USH2A: variants seen among roughly 807,000 people sequenced by gnomAD.
The protein encoded by USH2A is Usher syndrome 2A (autosomal recessive, mild).
A neutral mutation model predicts 538.9 loss-of-function variants in USH2A; 443 were observed. That is an observed-to-expected ratio of 0.82 (90% CI 0.76 to 0.89). USH2A has a LOEUF of 0.89. Ranked by LOEUF, USH2A falls within the 40% of genes least tolerant of loss-of-function variation. The probability of loss-of-function intolerance (pLI) is 0.00; values close to 1 mark genes in which losing one functional copy is unlikely to be tolerated. For missense variants in USH2A, 6,633 were observed against 6,324.8 expected (o/e 1.05, Z -1.65); for synonymous variants, 2,413 against 2,273.5 (o/e 1.06, Z -1.75).
intron 63 of USH2A, among the ~76,000 whole-genome samples, chr1:215,671,527 CA>C (rs568890200): frequency 6.6e-5 from 10 of 150,810 alleles, no homozygotes; most frequent in Middle Eastern, 3.4e-3. Flanking sequence ...GACTCTGTCT[CA>C]AAAAAAAATT....
chr1:216,167,236 C>G (rs1344872614), intron 21 of USH2A, among the ~76,000 whole-genome samples: 3 of 152,062 alleles, frequency 2.0e-5, no homozygotes, highest in Non-Finnish European at 4.4e-5. Flanking sequence ...CACCGCCCCC[C>G]ACAACGCCCC....
chr1:215,836,558 T>TAG, intron 47 of USH2A, among the ~76,000 whole-genome samples: 1 of 21,176 alleles, frequency 4.7e-5, no homozygotes, highest in South Asian at 1.3e-3. Context: ...TATATATATA[T>TAG]ATATATATTT....
intron 13 of USH2A, among the ~76,000 whole-genome samples, chr1:216,242,220 G>A (rs1052076624): frequency 3.3e-5 from 5 of 150,612 alleles, no homozygotes; most frequent in African/African-American, 1.2e-4. Flanking sequence ...AAATTAGCCA[G>A]GCCTGTAGTC....
At chr1:215,847,476 C>G (rs1035177242) in intron 44 of USH2A, among the ~76,000 whole-genome samples, 1 of 151,942 alleles carries the variant, frequency 6.6e-6, no homozygotes, top group African/African-American at 2.4e-5. Flanking sequence ...AATACCCCAT[C>G]TCTACATGAA....
intron 3 of USH2A, among the ~76,000 whole-genome samples, chr1:216,398,739 G>A (rs544743015): frequency 1.2e-4 from 18 of 152,262 alleles, no homozygotes; most frequent in African/African-American, 3.9e-4. Flanking sequence ...ATTCCCACTG[G>A]CAGAAGCAGT....
intron 37 of USH2A, among the ~76,000 whole-genome samples, chr1:215,945,774 A>C (rs79583372): frequency 0.032 from 4,891 of 152,218 alleles, 122 homozygotes; most frequent in South Asian, 0.084. Flanking sequence ...ACTGGCTAAA[A>C]AGCGGACCTG....
At position 216,418,699 on chromosome 1, in the gene USH2A, A is replaced by G. The variant is rs763518495; in HGVS notation, c.486-20T>C. ...ACACACCTTAGGAAGCAACCGGAAA[A>G]GAGAGAAAAGGTCAGCATCCAACCA... On this transcript the variant is annotated intron_variant, in intron 2 of 71. Coordinates refer to ENST00000307340, the MANE Select transcript of USH2A (RefSeq NM_206933.4). The G allele has an allele frequency of 1.7e-5, 27 of 1,612,514 alleles. No individual in the cohort carries two copies. In the South Asian group the frequency reaches 2.7e-4, roughly 16 times the overall value.
chr1:216,268,709 AG>A (rs964691582), intron 11 of USH2A, among the ~76,000 whole-genome samples: 1 of 152,068 alleles, frequency 6.6e-6, no homozygotes, highest in Non-Finnish European at 1.5e-5. Flanking sequence ...TGAATACATC[AG>A]GGGTGCTTCC....
chr1:215,874,893 C>T (rs1301481759), intron 43 of USH2A, among the ~76,000 whole-genome samples: 2 of 152,134 alleles, frequency 1.3e-5, no homozygotes, highest in African/African-American at 4.8e-5. Context: ...GGAAAACATA[C>T]CTGGCCAAAC....
chr1:216,214,430 A>T (rs919163721), intron 15 of USH2A, among the ~76,000 whole-genome samples: 6 of 152,012 alleles, frequency 3.9e-5, no homozygotes, highest in Admixed American at 3.9e-4. Flanking sequence ...CTAGATACAA[A>T]AGCCTATACA....
chr1:215,996,561 T>C (rs1023196722), intron 34 of USH2A, among the ~76,000 whole-genome samples: 5 of 8,798 alleles, frequency 5.7e-4, no homozygotes, highest in African/African-American at 1.4e-3. Flanking sequence ...ACATATTATG[T>C]TTTTTTTTTT....
At chr1:215,671,735 C>T (rs1657824657) in intron 63 of USH2A, among the ~76,000 whole-genome samples, 1 of 152,140 alleles carries the variant, frequency 6.6e-6, no homozygotes, top group South Asian at 2.1e-4. Flanking sequence ...AGAATGCAGA[C>T]CTTAGAAAGT....
intron 40 of USH2A, among the ~76,000 whole-genome samples, chr1:215,892,385 C>T (rs1665232548): frequency 6.6e-6 from 1 of 152,102 alleles, no homozygotes; most frequent in Non-Finnish European, 1.5e-5. Context: ...ATATTAACTC[C>T]ATAAATGAGT....
intron 9 of USH2A, among the ~76,000 whole-genome samples, chr1:216,315,294 T>C (rs1184304741): frequency 1.3e-5 from 2 of 152,134 alleles, no homozygotes; most frequent in African/African-American, 4.8e-5. Context: ...GCACATGTAA[T>C]TAGGGAATGA....
In USH2A at chr1:215,783,505, A is replaced by C. The variant is rs966106354; in HGVS notation, c.10388-570T>G. On this transcript the variant is annotated intron_variant, in intron 52 of 71. Transcript: ENST00000307340. The stretch of plus-strand genomic sequence containing the variant: ...CTCTTCCACAAAAGCCAGAACTGAA[A>C]ACCAAAATACAAACCAACCAACTTT... 2.0e-5 allele frequency among the ~76,000 whole-genome samples: 3 copies of C among 152,306 alleles called. No individual in the cohort carries two copies. In the East Asian group the frequency reaches 5.8e-4, roughly 29 times the overall value.
chr1:215,744,749 A>C (rs993649508), intron 58 of USH2A, among the ~76,000 whole-genome samples: 2 of 152,230 alleles, frequency 1.3e-5, no homozygotes, highest in African/African-American at 4.8e-5. Context: ...GAGGTGTCTG[A>C]AGGAGATATT....
intron 21 of USH2A, among the ~76,000 whole-genome samples, chr1:216,164,531 CAG>C (rs1194188942): frequency 2.6e-5 from 4 of 152,102 alleles, no homozygotes; most frequent in Admixed American, 6.6e-5. Context: ...ATTATGAAGA[CAG>C]GGGGAATAAT....
intron 3 of USH2A, among the ~76,000 whole-genome samples, chr1:216,410,679 A>C (rs2039473603): frequency 1.3e-5 from 2 of 152,294 alleles, no homozygotes; most frequent in East Asian, 3.9e-4. Context: ...CTCCACATCC[A>C]AAATCTGATT....
chr1:215,982,340 T>G lies in USH2A; in HGVS notation c.6805+10680A>C, dbSNP rs1039487710. On this transcript the variant is annotated intron_variant, in intron 35 of 71. Coordinates refer to ENST00000307340, the MANE Select transcript of USH2A (RefSeq NM_206933.4). The stretch of plus-strand genomic sequence containing the variant: ...ACACACACAGAACTGTCCCCTTGCT[T>G]CTAGTATGAGTTAAAGTTTTACTTG... 3.3e-5 allele frequency among the ~76,000 whole-genome samples: 5 copies of G among 152,204 alleles called. No homozygotes were observed. The East Asian group carries it at 9.6e-4, about 29-fold the overall frequency.
Sources: gnomAD v4.1 joint callset for allele counts (sites outside exome capture counted in the v4.1 genomes callset) on GRCh38, gnomAD v4.1.1 for gene constraint, MANE v1.5 for transcripts, NCBI Gene and HGNC (gene_info 2026-07-23, HGNC 2026-07-21) for gene names.